The following IL1RAPL1 variants were observed in gnomAD, a reference collection of about 807,000 sequenced individuals.
The protein encoded by IL1RAPL1 is interleukin 1 receptor accessory protein like 1.
In IL1RAPL1, 3 loss-of-function variants were observed where a neutral mutation model predicts 48.4. The observed-to-expected ratio is 0.06, with a 90% CI of 0.03 to 0.16. The LOEUF is 0.16. Ranked by LOEUF, IL1RAPL1 falls within the 10% of genes least tolerant of loss-of-function variation. The pLI is 1.00. For missense variants in IL1RAPL1, 349 were observed against 530.6 expected (o/e 0.66, Z 3.36); for synonymous variants, 185 against 187.7 (o/e 0.99, Z 0.12).
chrX:29,479,458 A>G (rs1935014483), intron 5 of IL1RAPL1, among the ~76,000 whole-genome samples: 1 of 104,595 alleles, frequency 9.6e-6, no homozygotes, highest in South Asian at 4.5e-4. Flanking sequence ...TGCAAAATGT[A>G]TAGGAAAGTA....
chrX:29,863,560 C>G (rs1354806750), intron 6 of IL1RAPL1, among the ~76,000 whole-genome samples: 1 of 111,207 alleles, frequency 9.0e-6, no homozygotes, highest in Middle Eastern at 4.2e-3. Flanking sequence ...TAGAAGGGTT[C>G]TCTCATGAGA....
intron 1 of IL1RAPL1, among the ~76,000 whole-genome samples, chrX:28,650,109 GC>G (rs1300862937): frequency 8.9e-6 from 1 of 112,041 alleles, no homozygotes; most frequent in Non-Finnish European, 1.9e-5. Context: ...ATATTCTGGA[GC>G]TTGTCTACTT....
intron 5 of IL1RAPL1, among the ~76,000 whole-genome samples, chrX:29,654,419 T>G (rs1290441025): frequency 8.9e-6 from 1 of 111,965 alleles, no homozygotes; most frequent in Non-Finnish European, 1.9e-5. Context: ...AAAAAGAGAT[T>G]TAATGGACTC....
intron 5 of IL1RAPL1, among the ~76,000 whole-genome samples, chrX:29,560,023 C>T (rs1046122220): frequency 1.8e-5 from 2 of 111,707 alleles, no homozygotes; most frequent in African/African-American, 6.5e-5. Context: ...ATGTTACTAA[C>T]AAGTGTCCTT....
intron 6 of IL1RAPL1, among the ~76,000 whole-genome samples, chrX:29,730,081 T>C (rs1927877390): frequency 1.8e-5 from 2 of 111,956 alleles, no homozygotes; most frequent in African/African-American, 6.5e-5. Context: ...TTGCTGTCTT[T>C]TTAGGAAGAA....
At chrX:29,134,331 C>T (rs1297357102) in intron 2 of IL1RAPL1, among the ~76,000 whole-genome samples, 1 of 111,845 alleles carries the variant, frequency 8.9e-6, no homozygotes, top group African/African-American at 3.2e-5. Context: ...ATAAGGGTCC[C>T]TGTTGGTCTA....
intron 3 of IL1RAPL1, among the ~76,000 whole-genome samples, chrX:29,387,283 C>T (rs928791864): frequency 4.5e-5 from 5 of 112,194 alleles, no homozygotes; most frequent in Non-Finnish European, 3.8e-5. Context: ...TGAAGAATAT[C>T]TTGTTTTTCC....
intron 2 of IL1RAPL1, among the ~76,000 whole-genome samples, chrX:28,921,944 T>C: frequency 9.0e-6 from 1 of 111,404 alleles, no homozygotes; most frequent in Non-Finnish European, 1.9e-5. Flanking sequence ...CCTTGTACTT[T>C]TGAGATTTTA....
At chrX:28,607,316 ATT>A (rs1934094672) in intron 1 of IL1RAPL1, among the ~76,000 whole-genome samples, 1 of 111,226 alleles carries the variant, frequency 9.0e-6, no homozygotes, top group South Asian at 3.8e-4. Context: ...ATAAGCTTAT[ATT>A]ATTTTCTTCT....
chrX:28,591,633 C>G (rs1185988035), intron 1 of IL1RAPL1, among the ~76,000 whole-genome samples: 1 of 111,151 alleles, frequency 9.0e-6, no homozygotes. Flanking sequence ...TAGGTAAGGT[C>G]GCGTCAGCCT....
chrX:28,963,242 G>A (rs1318771342), intron 2 of IL1RAPL1, among the ~76,000 whole-genome samples: 2 of 111,191 alleles, frequency 1.8e-5, no homozygotes, highest in Non-Finnish European at 3.8e-5. Flanking sequence ...AGTGCAACTT[G>A]TTTTTGCTGC....
intron 2 of IL1RAPL1, among the ~76,000 whole-genome samples, chrX:29,210,583 G>C (rs1930750765): frequency 9.0e-6 from 1 of 111,587 alleles, no homozygotes; most frequent in African/African-American, 3.3e-5. Context: ...TCTAACTTCA[G>C]CCAGCTTCAG....
rs900676767 is a variant in IL1RAPL1 at position 29,008,331 on chromosome X, C to T, written c.82+218906C>T. On this transcript the variant is annotated intron_variant, in intron 2 of 10. Transcript: ENST00000378993. ...CTGGGACTACAGGCGCCCGCCACCA[C>T]GCTTGGCTATTTTTTTGTATTTTTA... Among the ~76,000 whole-genome samples the T allele has an allele frequency of 3.7e-5, 4 of 108,234 alleles. No homozygotes were observed. In the Admixed American group the frequency reaches 3.9e-4, roughly 11 times the overall value. 94.0% of individuals were successfully genotyped at this position (108,234 alleles called of 115,157 possible).
chrX:29,575,186 A>G (rs1366332913), intron 5 of IL1RAPL1, among the ~76,000 whole-genome samples: 1 of 111,628 alleles, frequency 9.0e-6, no homozygotes, highest in African/African-American at 3.3e-5. Context: ...TCCCAGTACC[A>G]CTTTTCTGTA....
chrX:29,547,776 G>A (rs762151807), intron 5 of IL1RAPL1, among the ~76,000 whole-genome samples: 3 of 111,830 alleles, frequency 2.7e-5, no homozygotes, highest in Admixed American at 9.5e-5. Context: ...CAAGCATAAC[G>A]TGAAGCCATA....
intron 1 of IL1RAPL1, among the ~76,000 whole-genome samples, chrX:28,608,038 T>G (rs1024231122): frequency 1.8e-5 from 2 of 111,663 alleles, no homozygotes. Context: ...TGGACCTGGA[T>G]GCCTACTGGT....
At chrX:29,549,998 T>G (rs905233318) in intron 5 of IL1RAPL1, among the ~76,000 whole-genome samples, 2 of 111,522 alleles carry the variant, frequency 1.8e-5, no homozygotes, top group Non-Finnish European at 3.8e-5. Context: ...TTCCCTCTCT[T>G]AAAGAGTGGG....
chrX:29,023,108 A>G (rs1926409135), intron 2 of IL1RAPL1, among the ~76,000 whole-genome samples: 1 of 112,273 alleles, frequency 8.9e-6, no homozygotes. Context: ...ACTCTACTGC[A>G]GCCTCTTTAA....
chrX:29,425,319 A>G (rs1233028500), intron 5 of IL1RAPL1, among the ~76,000 whole-genome samples: 2 of 112,178 alleles, frequency 1.8e-5, no homozygotes, highest in Non-Finnish European at 3.8e-5. Flanking sequence ...AGCTTGACAA[A>G]GCAGAGTGGC....
Sources: allele counts gnomAD v4.1 joint callset (sites outside exome capture counted in the v4.1 genomes callset), GRCh38; gene constraint gnomAD v4.1.1; transcripts MANE v1.5; gene names NCBI Gene and HGNC (gene_info 2026-07-23, HGNC 2026-07-21).